EFNA5: variants seen among roughly 807,000 people sequenced by gnomAD.
EFNA5 encodes ephrin A5.
In EFNA5, 5 loss-of-function variants were observed where a neutral mutation model predicts 22.9. That is an observed-to-expected ratio of 0.22 (90% confidence interval 0.11 to 0.46). The LOEUF is 0.46. Ranked by LOEUF, EFNA5 falls within the 20% of genes least tolerant of loss-of-function variation. The pLI, the probability that EFNA5 is intolerant of heterozygous loss-of-function variation, is 0.99. For missense variants in EFNA5, 237 were observed against 293.3 expected (o/e 0.81, Z 1.40); for synonymous variants, 113 against 112.2 (o/e 1.01, Z -0.04).
At chr5:107,670,079 C>G (rs1751158195) in intron 1 of EFNA5, among the ~76,000 whole-genome samples, 1 of 149,612 alleles carries the variant, frequency 6.7e-6, no homozygotes, top group African/African-American at 2.4e-5. Flanking sequence ...TTGGCGGGTT[C>G]TCTCCGCAGT....
intron 1 of EFNA5, among the ~76,000 whole-genome samples, chr5:107,453,757 A>G (rs1749620001): frequency 6.6e-6 from 1 of 152,178 alleles, no homozygotes; most frequent in South Asian, 2.1e-4. Context: ...GGTGGAGCGG[A>G]GGAGGTATTA....
At chr5:107,436,626 TAG>T (rs1749116737) in intron 1 of EFNA5, among the ~76,000 whole-genome samples, 1 of 152,074 alleles carries the variant, frequency 6.6e-6, no homozygotes, top group South Asian at 2.1e-4. Flanking sequence ...CTTAAGCCAG[TAG>T]AGTTTTACAC....
intron 2 of EFNA5, among the ~76,000 whole-genome samples, chr5:107,403,687 T>A (rs1748143576): frequency 6.6e-6 from 1 of 152,244 alleles, no homozygotes; most frequent in South Asian, 2.1e-4. Context: ...TCTGCAACCC[T>A]AGATATAAAT....
At chr5:107,539,244 A>G (rs1270054394) in intron 1 of EFNA5, among the ~76,000 whole-genome samples, 1 of 152,208 alleles carries the variant, frequency 6.6e-6, no homozygotes, top group Non-Finnish European at 1.5e-5. Flanking sequence ...GAGCTGCACC[A>G]TTTGCGAAGG....
chr5:107,398,682 A>C (rs1231642712), intron 2 of EFNA5, among the ~76,000 whole-genome samples: 1 of 151,754 alleles, frequency 6.6e-6, no homozygotes, highest in African/African-American at 2.4e-5. Context: ...CCCTGTCTCT[A>C]TATAAAAAAA....
At chr5:107,471,449 G>A (rs1453486479) in intron 1 of EFNA5, among the ~76,000 whole-genome samples, 1 of 152,130 alleles carries the variant, frequency 6.6e-6, no homozygotes, top group East Asian at 1.9e-4. Flanking sequence ...TGCAGTTACA[G>A]AGATTATTTT....
intron 2 of EFNA5, among the ~76,000 whole-genome samples, chr5:107,396,456 T>G (rs577325347): frequency 3.3e-5 from 5 of 152,202 alleles, no homozygotes; most frequent in Admixed American, 3.3e-4. Flanking sequence ...TACAGATTGA[T>G]AGCATCAGCT....
At chr5:107,635,511 A>AT (rs776415184) in intron 1 of EFNA5, among the ~76,000 whole-genome samples, 5 of 152,188 alleles carry the variant, frequency 3.3e-5, no homozygotes, top group Admixed American at 6.5e-5. Context: ...GAATTTGTAG[A>AT]TTTTTTCACC....
At chr5:107,647,233 G>A (rs1162869167) in intron 1 of EFNA5, among the ~76,000 whole-genome samples, 3 of 152,048 alleles carry the variant, frequency 2.0e-5, no homozygotes, top group Non-Finnish European at 4.4e-5. Context: ...GGAAATTTAA[G>A]AGCCAGACAA....
At chr5:107,498,216 T>A (rs529285886) in intron 1 of EFNA5, among the ~76,000 whole-genome samples, 1 of 152,340 alleles carries the variant, frequency 6.6e-6, no homozygotes, top group Non-Finnish European at 1.5e-5. Context: ...AAGCCCGGCC[T>A]ACAATTTATC....
At chr5:107,384,602 A>G (rs559431430) in intron 4 of EFNA5, among the ~76,000 whole-genome samples, 2 of 151,932 alleles carry the variant, frequency 1.3e-5, no homozygotes, top group African/African-American at 4.8e-5. Flanking sequence ...AGAACTGCAA[A>G]TCCAACTAGA....
At chr5:107,493,945 C>T (rs1174351165) in intron 1 of EFNA5, among the ~76,000 whole-genome samples, 1 of 152,230 alleles carries the variant, frequency 6.6e-6, no homozygotes, top group African/African-American at 2.4e-5. Context: ...GAGGCTGAAA[C>T]GGAAGCAGGC....
chr5:107,622,175 A>G (rs944925760), intron 1 of EFNA5, among the ~76,000 whole-genome samples: 2 of 152,050 alleles, frequency 1.3e-5, no homozygotes, highest in East Asian at 3.9e-4. Flanking sequence ...TCTTTTTTCT[A>G]TCCTGCTGCC....
intron 1 of EFNA5, among the ~76,000 whole-genome samples, chr5:107,657,850 A>T (rs570520509): frequency 1.4e-4 from 22 of 152,058 alleles, no homozygotes; most frequent in Non-Finnish European, 2.4e-4. Context: ...ACACAGAGTG[A>T]AGATCAGTAA....
intron 1 of EFNA5, among the ~76,000 whole-genome samples, chr5:107,483,677 C>A (rs1205785935): frequency 1.3e-5 from 2 of 152,218 alleles, no homozygotes; most frequent in East Asian, 3.8e-4. Context: ...AAAGTTTTAT[C>A]TTAAAATACT....
chr5:107,604,583 A>G (rs1374373518), intron 1 of EFNA5, among the ~76,000 whole-genome samples: 1 of 152,238 alleles, frequency 6.6e-6, no homozygotes, highest in Non-Finnish European at 1.5e-5. Context: ...TGGAGACATG[A>G]GTAACACATA....
chr5:107,424,954 G>A (rs1402316383), intron 2 of EFNA5, among the ~76,000 whole-genome samples: 1 of 152,102 alleles, frequency 6.6e-6, no homozygotes, highest in African/African-American at 2.4e-5. Flanking sequence ...TGTGCTTCTT[G>A]TTAATGAACA....
intron 1 of EFNA5, among the ~76,000 whole-genome samples, chr5:107,598,296 C>A (rs187819373): frequency 9.6e-4 from 146 of 152,180 alleles, no homozygotes; most frequent in Non-Finnish European, 1.4e-3. Flanking sequence ...TGCCCTGAGT[C>A]CTGCATAATT....
chr5:107,617,501 A>G (rs879359219), intron 1 of EFNA5, among the ~76,000 whole-genome samples: 8 of 152,230 alleles, frequency 5.3e-5, no homozygotes, highest in South Asian at 2.1e-4. Flanking sequence ...CCACCACCCA[A>G]TGCTCACAAC....
Sources: gnomAD v4.1 joint callset for allele counts (sites outside exome capture counted in the v4.1 genomes callset) on GRCh38, gnomAD v4.1.1 for gene constraint, MANE v1.5 for transcripts, NCBI Gene and HGNC (gene_info 2026-07-23, HGNC 2026-07-21) for gene names.